Variants in GBP6 observed in about 807,000 individuals in gnomAD.
GBP6 encodes guanylate binding protein family member 6, also known as guanylate-binding protein 6.
GBP6 carries 54 observed loss-of-function variants against 61.5 expected under a neutral mutation model. The ratio of observed to expected loss-of-function variants is 0.88; its 90% CI spans 0.71 to 1.10. The LOEUF is 1.10. Among genes scored for constraint, GBP6 ranks in the 50% least tolerant of loss-of-function variants. GBP6 has a pLI of 0.00. For synonymous variants in GBP6, 255 were observed against 273.7 expected (o/e 0.93, Z 0.67); for missense variants, 748 against 752.8 (o/e 0.99, Z 0.07).
rs1367596572 is a variant in GBP6, at chr1:89,384,203, A to G, written c.1579A>G (p.Ile527Val). The G allele has an allele frequency of 3.1e-6, 5 of 1,614,098 alleles. No homozygotes were observed. Among genetic ancestry groups the G allele is most frequent in the Admixed American group, 1.7e-5 (1 of 60,016 alleles). ...EAQDKSRKEN[I>V]AQLKEKLQME... is the part of the protein sequence containing the mutation. ...TCAAGATAAGAGTCGCAAGGAAAAC[A>G]TAGCCCAACTGAAGGAGAAGCTGCA... Residue 527 changes from isoleucine (I) to valine (V), a missense_variant, in exon 10 of 11, where the codon ATA becomes GTA. By Grantham distance (29) the Ile-to-Val change is conservative. Coordinates refer to ENST00000370456, the MANE Select transcript of GBP6 (RefSeq NM_198460.3).
Position 89,385,550 on chromosome 1 carries a change from T to TC in GBP6, c.*81_*82insC, listed in dbSNP as rs1653118355. 3 of 1,426,850 alleles carry TC rather than the reference T, an allele frequency of 2.1e-6. No individual in the cohort carries two copies. The highest frequency in any genetic ancestry group is 2.8e-6 in the Non-Finnish European group (3 of 1,065,342). The allele number at this position is 1,426,850 out of a possible 1,614,324, so 88.4% of individuals were successfully genotyped here. A position where few individuals can be genotyped will look rare whatever the true frequency, so the allele number is the denominator to read the frequency against. The stretch of plus-strand genomic sequence containing the variant: ...CATTTTCATTCAGCAAGTTTTTTTT[T>TC]TTTTTCAGAGTCTTACTCTGTTGCC... On this transcript the variant is annotated 3_prime_UTR_variant, in exon 11 of 11. Transcript: ENST00000370456.
chr1:89,373,061 A>C (rs1165888686), intron 3 of GBP6, among the ~76,000 whole-genome samples: 2 of 152,250 alleles, frequency 1.3e-5, no homozygotes, highest in Non-Finnish European at 2.9e-5. Context: ...GACACATGAA[A>C]AAACGCTCAT....
chr1:89,383,515 C>T, intron 8 of GBP6, 137 bp from the exon 9 acceptor site: 1 of 633,546 alleles, frequency 1.6e-6, no homozygotes, highest in Non-Finnish European at 2.8e-6. Flanking sequence ...CCCTAAAGAG[C>T]CCGCACACTT....
intron 6 of GBP6, among the ~76,000 whole-genome samples, chr1:89,381,313 C>T (rs1652971378): frequency 6.6e-6 from 1 of 150,632 alleles, no homozygotes; most frequent in Non-Finnish European, 1.5e-5. Flanking sequence ...AAATATTAGC[C>T]CATAATTCCC....
At chr1:89,371,985 T>C (rs1474656064) in intron 3 of GBP6, among the ~76,000 whole-genome samples, 1 of 152,158 alleles carries the variant, frequency 6.6e-6, no homozygotes, top group African/African-American at 2.4e-5. Context: ...ACAAAATCAA[T>C]GTGCAAAAAT....
intron 1 of GBP6, among the ~76,000 whole-genome samples, chr1:89,365,397 G>A (rs559612157): frequency 3.9e-5 from 6 of 152,258 alleles, no homozygotes; most frequent in Admixed American, 6.5e-5. Flanking sequence ...TGATGAACAC[G>A]TTACACATCA....
intron 1 of GBP6, among the ~76,000 whole-genome samples, chr1:89,366,253 GTTATTC>G (rs989441603): frequency 1.3e-5 from 2 of 152,028 alleles, no homozygotes; most frequent in African/African-American, 4.8e-5. Flanking sequence ...TATATGTATT[GTTATTC>G]TTATTCTTTT....
intron 5 of GBP6, among the ~76,000 whole-genome samples, chr1:89,380,132 C>T (rs1353581024): frequency 6.6e-6 from 1 of 152,040 alleles, no homozygotes; most frequent in East Asian, 1.9e-4. Flanking sequence ...AGCAAGACCT[C>T]GTTTCGAAAA....
chr1:89,385,072 T>C (rs1201520525), intron 10 of GBP6, among the ~76,000 whole-genome samples, 158 bp from the exon 11 acceptor site: 1 of 152,218 alleles, frequency 6.6e-6, no homozygotes, highest in East Asian at 1.9e-4. Flanking sequence ...TTATAAACTA[T>C]GCTTCCTCAC....
chr1:89,368,494 A>C, intron 1 of GBP6, 35 bp from the exon 2 acceptor site: 5 of 1,494,586 alleles, frequency 3.3e-6, no homozygotes, highest in Non-Finnish European at 3.7e-6. Context: ...ACACTGAGAC[A>C]GAGAATGACA....
intron 5 of GBP6, among the ~76,000 whole-genome samples, chr1:89,378,827 T>C (rs541863737): frequency 6.6e-6 from 1 of 152,190 alleles, no homozygotes; most frequent in Admixed American, 6.5e-5. Context: ...AAGACAGATT[T>C]GTTCTTTGTA....
chr1:89,370,859 T>A (rs1652615198), intron 3 of GBP6, among the ~76,000 whole-genome samples: 1 of 152,198 alleles, frequency 6.6e-6, no homozygotes, highest in Non-Finnish European at 1.5e-5. Flanking sequence ...TTAAGATCTG[T>A]CCTCTTAGCG....
intron 3 of GBP6, among the ~76,000 whole-genome samples, chr1:89,371,525 A>C (rs1318290589): frequency 6.6e-6 from 1 of 152,212 alleles, no homozygotes; most frequent in Non-Finnish European, 1.5e-5. Flanking sequence ...AAATCAATAA[A>C]CATAATCCAG....
intron 3 of GBP6, among the ~76,000 whole-genome samples, chr1:89,375,549 C>T (rs915056408): frequency 3.9e-5 from 6 of 152,142 alleles, no homozygotes; most frequent in Admixed American, 3.3e-4. Flanking sequence ...TATAAAGACA[C>T]ATGCATGCAT....
intron 3 of GBP6, among the ~76,000 whole-genome samples, chr1:89,377,750 AT>A (rs1314592442): frequency 6.6e-6 from 1 of 152,214 alleles, no homozygotes; most frequent in Non-Finnish European, 1.5e-5. Flanking sequence ...ATACTATGGT[AT>A]GGTTTTTATA....
intron 3 of GBP6, among the ~76,000 whole-genome samples, chr1:89,374,698 A>G (rs1652756168): frequency 6.6e-6 from 1 of 152,168 alleles, no homozygotes; most frequent in South Asian, 2.1e-4. Context: ...ACCTTTATAT[A>G]TACATATTAG....
At chr1:89,367,763 A>T (rs1334123776) in intron 1 of GBP6, among the ~76,000 whole-genome samples, 2 of 152,166 alleles carry the variant, frequency 1.3e-5, no homozygotes, top group Non-Finnish European at 2.9e-5. Context: ...GCAGAACAGA[A>T]ACCAGAACAG....
chr1:89,368,111 A>G (rs1433648744), intron 1 of GBP6, among the ~76,000 whole-genome samples: 2 of 152,136 alleles, frequency 1.3e-5, no homozygotes, highest in Non-Finnish European at 2.9e-5. Flanking sequence ...TCAATTGTCC[A>G]GGTTTGTAAG....
rs150827848 is a variant in GBP6, at chr1:89,387,692, G to T, written c.*2223G>T. 5.1e-4 allele frequency among the ~76,000 whole-genome samples: 78 copies of T among 152,342 alleles called. 1 individual carries two copies. The East Asian group carries it at 5.8e-3, about 11-fold the overall frequency. ...TCACGCCTATAATCTCAGCAACTTG[G>T]GAGGCCGAAGCAGGCAGATCACTTG... On this transcript the variant is annotated 3_prime_UTR_variant, in exon 11 of 11. Coordinates refer to ENST00000370456, the MANE Select transcript of GBP6 (RefSeq NM_198460.3).
Sources: gnomAD v4.1 joint callset for allele counts (sites outside exome capture counted in the v4.1 genomes callset) on GRCh38, gnomAD v4.1.1 for gene constraint, MANE v1.5 for transcripts, NCBI Gene and HGNC (gene_info 2026-07-23, HGNC 2026-07-21) for gene names.